CCDC62: variants seen among roughly 807,000 people sequenced by gnomAD.
CCDC62 encodes the protein coiled-coil domain-containing protein 62.
Under a neutral mutation model 80.8 loss-of-function variants are expected in CCDC62, and 72 were observed. The ratio of observed to expected loss-of-function variants is 0.89; its 90% CI spans 0.74 to 1.08. The LOEUF is 1.08. CCDC62 is among the 50% of genes least tolerant of loss of function. The pLI is 0.00. For synonymous variants in CCDC62, 286 were observed against 296.5 expected, an observed-to-expected ratio of 0.96 and a Z score of 0.36; for missense variants, 704 against 809.4, an observed-to-expected ratio of 0.87 and a Z score of 1.58.
chr12:122,801,505 C>T lies in CCDC62; in HGVS notation c.1359C>T (p.Pro453=), dbSNP rs778790320. Residue 453 remains proline (P), a synonymous_variant, in exon 9 of 13, where the codon CCC becomes CCT. Coordinates refer to ENST00000253079, the MANE Select transcript of CCDC62 (RefSeq NM_201435.5). ...QNEGKQPSET[P]TLSDEKQWHD... The stretch of plus-strand genomic sequence containing the variant: ...AAGGAAAACAACCCTCAGAAACACC[C>T]ACTTTATCTGATGAGAAGCAGTGGC... 6.2e-7 allele frequency: 1 copy of T among 1,614,132 alleles called. No homozygotes were observed. The highest frequency in any genetic ancestry group is 1.7e-5 in the Admixed American group (1 of 59,992).
Position 122,785,743 on chromosome 12 carries a change from A to G in CCDC62, c.421A>G (p.Thr141Ala). Residue 141 changes from threonine to alanine, a missense_variant, in exon 4 of 13, where the codon ACG (threonine) becomes GCG (alanine). Physicochemically the swap from Thr to Ala is moderately conservative, Grantham distance 58. Transcript: ENST00000253079. ...LEARNETLSN[T>A]LVELSAQVGQ... is the part of the protein sequence containing the mutation. ...GGCTAGAAACGAAACTCTCAGCAAC[A>G]CGTTAGTGGAACTTTCTGCCCAGGT... 14 of 1,613,716 alleles carry G rather than the reference A, an allele frequency of 8.7e-6. No individual in the cohort carries two copies. The highest frequency in any genetic ancestry group is 1.2e-5 in the Non-Finnish European group (14 of 1,179,592).
intron 9 of CCDC62, among the ~76,000 whole-genome samples, chr12:122,804,373 G>A (rs1331450854): frequency 1.3e-5 from 2 of 152,196 alleles, no homozygotes; most frequent in Admixed American, 6.6e-5. Context: ...TGTAGTCCCA[G>A]CTACTCGGGA....
At chr12:122,776,612 T>C (rs1350777166) in intron 1 of CCDC62, 1 of 152,204 alleles carries the variant, frequency 6.6e-6, no homozygotes, top group Non-Finnish European at 1.5e-5. Flanking sequence ...TTTTTAATGA[T>C]GTATGTTGTA....
At chr12:122,811,119 T>G (rs1009246934) in intron 10 of CCDC62, among the ~76,000 whole-genome samples, 1 of 151,500 alleles carries the variant, frequency 6.6e-6, no homozygotes, top group Non-Finnish European at 1.5e-5. Flanking sequence ...TGTATACATA[T>G]GTAACAAACC....
intron 11 of CCDC62, among the ~76,000 whole-genome samples, chr12:122,817,633 G>A (rs2656815): frequency 0.97 from 148,367 of 152,288 alleles, 72,298 homozygotes; most frequent in East Asian, 1. Flanking sequence ...CCAAATTCAC[G>A]TTTTCCAAAC....
At chr12:122,793,911 A>G (rs911950815) in intron 6 of CCDC62, among the ~76,000 whole-genome samples, 6 of 152,172 alleles carry the variant, frequency 3.9e-5, no homozygotes, top group African/African-American at 1.4e-4. Flanking sequence ...GCTGCTAAAG[A>G]TATCACATAT....
intron 3 of CCDC62, among the ~76,000 whole-genome samples, chr12:122,785,112 A>C (rs919332953): frequency 3.9e-5 from 6 of 152,220 alleles, no homozygotes; most frequent in African/African-American, 1.4e-4. Flanking sequence ...ACTGCACTCC[A>C]GCCTGGGCGA....
At chr12:122,792,487 G>A (rs536111653) in intron 6 of CCDC62, among the ~76,000 whole-genome samples, 2 of 151,594 alleles carry the variant, frequency 1.3e-5, no homozygotes, top group South Asian at 2.1e-4. Flanking sequence ...GCCTTCCAAA[G>A]TGCTGAGATT....
intron 9 of CCDC62, among the ~76,000 whole-genome samples, chr12:122,805,888 C>G (rs377411960): frequency 6.6e-6 from 1 of 152,030 alleles, no homozygotes; most frequent in Non-Finnish European, 1.5e-5. Flanking sequence ...CTCCTGACCT[C>G]GTGATCCACC....
At chr12:122,794,213 A>G (rs978236670) in intron 6 of CCDC62, among the ~76,000 whole-genome samples, 3 of 152,196 alleles carry the variant, frequency 2.0e-5, no homozygotes, top group African/African-American at 7.2e-5. Context: ...TATTTTTATC[A>G]TATACTAAGC....
chr12:122,822,087 A>ACACACACC (rs2032427963), intron 11 of CCDC62, among the ~76,000 whole-genome samples: 1 of 126,550 alleles, frequency 7.9e-6, no homozygotes, highest in African/African-American at 3.0e-5. Context: ...ACACACACAC[A>ACACACACC]CACGACATTA....
At chr12:122,819,319 C>A (rs73415582) in intron 11 of CCDC62, among the ~76,000 whole-genome samples, 9,143 of 152,210 alleles carry the variant, frequency 0.06, 474 homozygotes, top group African/African-American at 0.14. Context: ...AGGGCTTTGC[C>A]ATCTGTCGCT....
chr12:122,820,806 A>G (rs2032376070), intron 11 of CCDC62, among the ~76,000 whole-genome samples: 1 of 148,324 alleles, frequency 6.7e-6, no homozygotes, highest in Non-Finnish European at 1.5e-5. Context: ...ACGCCACTGC[A>G]CTCCAGCCTG....
intron 11 of CCDC62, among the ~76,000 whole-genome samples, chr12:122,815,363 G>A (rs1234591315): frequency 1.3e-5 from 2 of 152,182 alleles, no homozygotes; most frequent in South Asian, 2.1e-4. Context: ...ATAGGCGTGA[G>A]CCGCTGTGCC....
intron 7 of CCDC62, 75 bp downstream of exon 7, chr12:122,797,470 C>G (rs2031032579): frequency 1.3e-6 from 1 of 792,828 alleles, no homozygotes; most frequent in Non-Finnish European, 2.2e-6. Context: ...AAAATGTATG[C>G]CCGTCGATTT....
At chr12:122,825,000 C>T (rs937220415) in intron 12 of CCDC62, among the ~76,000 whole-genome samples, 4 of 151,148 alleles carry the variant, frequency 2.6e-5, no homozygotes, top group East Asian at 2.0e-4. Flanking sequence ...GCAAGAGAAT[C>T]GCTTGAACCC....
At chr12:122,793,461 C>T (rs982843010) in intron 6 of CCDC62, among the ~76,000 whole-genome samples, 3 of 152,016 alleles carry the variant, frequency 2.0e-5, no homozygotes, top group Non-Finnish European at 2.9e-5. Flanking sequence ...AGGCCTTCAC[C>T]AGTGGAAACT....
rs2031083030 is a variant in CCDC62 at position 122,798,217 on chromosome 12, G to T, written c.977+17G>T. Reference sequence around the variant, plus strand: ...GGACTCCAGGTAATCTTAGCAAGATGCAATTAATATGATCTTGTATTATAT... The same window carrying T: ...GGACTCCAGGTAATCTTAGCAAGATTCAATTAATATGATCTTGTATTATAT... On this transcript the variant is annotated intron_variant, in intron 8 of 12. Coordinates refer to ENST00000253079, the MANE Select transcript of CCDC62 (RefSeq NM_201435.5). 8.7e-7 allele frequency: 1 copy of T among 1,151,244 alleles called. No individual in the cohort carries two copies. The highest frequency in any genetic ancestry group is 1.2e-5 in the South Asian group (1 of 80,850). 71.3% of individuals were successfully genotyped at this position (1,151,244 alleles called of 1,614,324 possible). A position where few individuals can be genotyped will look rare whatever the true frequency, so the allele number is the denominator to read the frequency against.
intron 10 of CCDC62, 109 bp downstream of exon 10, chr12:122,806,404 GTTTTTT>G (rs34775544): frequency 8.2e-5 from 36 of 438,414 alleles, no homozygotes; most frequent in East Asian, 1.1e-4. Context: ...CTATTCCTCC[GTTTTTT>G]TTTTTTTTTT....
Sources: allele counts gnomAD v4.1 joint callset (sites outside exome capture counted in the v4.1 genomes callset), GRCh38; gene constraint gnomAD v4.1.1; transcripts MANE v1.5; gene names NCBI Gene and HGNC (gene_info 2026-07-23, HGNC 2026-07-21).